The following GLIS3 variants were observed in gnomAD, a reference collection of about 807,000 sequenced individuals.
GLIS3 encodes zinc finger protein GLIS3.
GLIS3 carries 53 observed loss-of-function variants against 78.6 expected under a neutral mutation model. The ratio of observed to expected loss-of-function variants is 0.67; its 90% CI spans 0.54 to 0.85. The LOEUF is 0.85. Ranked by LOEUF, GLIS3 falls within the 40% of genes least tolerant of loss-of-function variation. The probability of loss-of-function intolerance (pLI) is 0.00; values close to 1 mark genes in which losing one functional copy is unlikely to be tolerated. For synonymous variants in GLIS3, 684 were observed against 509.9 expected, an observed-to-expected ratio of 1.34 and a Z score of -4.60; for missense variants, 1,703 against 1,231.1, an observed-to-expected ratio of 1.38 and a Z score of -5.74.
At chr9:4,268,318 T>G (rs1041032908) in intron 2 of GLIS3, among the ~76,000 whole-genome samples, 1 of 152,206 alleles carries the variant, frequency 6.6e-6, no homozygotes, top group African/African-American at 2.4e-5. Flanking sequence ...AAAATTAAAA[T>G]TTCAAGTACT....
intron 4 of GLIS3, among the ~76,000 whole-genome samples, chr9:4,055,795 G>A (rs1306019737): frequency 6.6e-6 from 1 of 152,198 alleles, no homozygotes; most frequent in East Asian, 1.9e-4. Flanking sequence ...CAGCTTCATT[G>A]GAGGGATGTA....
At chr9:3,875,879 T>G (rs1821276794) in intron 8 of GLIS3, among the ~76,000 whole-genome samples, 1 of 152,152 alleles carries the variant, frequency 6.6e-6, no homozygotes, top group Non-Finnish European at 1.5e-5. Context: ...TTCCTCTCCA[T>G]TTCCCCTTCC....
chr9:3,879,403 GGAGA>G lies in GLIS3; in HGVS notation c.2297+20_2297+23del, dbSNP rs760231980. ...GGAGGTTTGGCGGCGACACCTATTA[GGAGA>G]GAGAGACAGATGGCCTTACCTCTCA... On this transcript the variant is annotated intron_variant, in intron 8 of 10. Transcript: ENST00000381971. 3.1e-6 allele frequency: 5 copies of G among 1,612,158 alleles called. No individual in the cohort carries two copies. Among genetic ancestry groups the G allele is most frequent in the African/African-American group, 2.7e-5 (2 of 74,860 alleles).
At chr9:4,396,809 T>C in the GLIS3 span, among the ~76,000 whole-genome samples, 3 of 152,094 alleles carry the variant, frequency 2.0e-5, no homozygotes, top group Non-Finnish European at 4.4e-5. Context: ...TTAAAATTAG[T>C]GCCAGTCCAT....
intron 4 of GLIS3, among the ~76,000 whole-genome samples, chr9:4,051,571 T>C (rs998259778): frequency 2.0e-5 from 3 of 152,224 alleles, no homozygotes; most frequent in Non-Finnish European, 4.4e-5. Flanking sequence ...TAGTATTTTA[T>C]TCATGTAATT....
At chr9:4,165,252 C>A (rs1030365057) in intron 2 of GLIS3, among the ~76,000 whole-genome samples, 1 of 152,114 alleles carries the variant, frequency 6.6e-6, no homozygotes, top group Non-Finnish European at 1.5e-5. Flanking sequence ...ACCAGCCTGG[C>A]CAACATGGTG....
intron 4 of GLIS3, among the ~76,000 whole-genome samples, chr9:3,939,391 C>T (rs1826080287): frequency 6.6e-6 from 1 of 152,154 alleles, no homozygotes; most frequent in Admixed American, 6.5e-5. Flanking sequence ...TGTAAGAATA[C>T]CATTTCCAAG....
chr9:3,945,822 G>C (rs547693191), intron 4 of GLIS3, among the ~76,000 whole-genome samples: 1 of 151,780 alleles, frequency 6.6e-6, no homozygotes, highest in African/African-American at 2.4e-5. Flanking sequence ...ATAAAAAGTA[G>C]AAAAACAAAA....
intron 7 of GLIS3, among the ~76,000 whole-genome samples, chr9:3,887,844 GCAT>G (rs1274436991): frequency 1.3e-5 from 2 of 152,248 alleles, no homozygotes; most frequent in South Asian, 4.1e-4. Context: ...CAGTAGAATG[GCAT>G]CATCTGGCAG....
the GLIS3 span, among the ~76,000 whole-genome samples, chr9:4,481,440 A>G: frequency 4.6e-5 from 7 of 151,942 alleles, no homozygotes; most frequent in Non-Finnish European, 8.8e-5. Flanking sequence ...GCCTCGCACC[A>G]TTACACTCCA....
At chr9:3,861,825 T>C (rs185346062) in intron 8 of GLIS3, among the ~76,000 whole-genome samples, 20 of 152,210 alleles carry the variant, frequency 1.3e-4, no homozygotes, top group Admixed American at 1.2e-3. Flanking sequence ...AAATAGCTAA[T>C]GCATGCGGGG....
the GLIS3 span, among the ~76,000 whole-genome samples, chr9:4,414,018 A>C: frequency 6.6e-6 from 1 of 152,166 alleles, no homozygotes; most frequent in South Asian, 2.1e-4. Flanking sequence ...CAAGTCAGTG[A>C]AAGCCAGAAC....
chr9:4,395,314 T>G, the GLIS3 span, among the ~76,000 whole-genome samples: 3,394 of 152,302 alleles, frequency 0.022, 230 homozygotes, highest in East Asian at 0.25. Flanking sequence ...GTGAGTCTTG[T>G]GTGTAGTGTG....
At chr9:4,428,836 G>A in the GLIS3 span, among the ~76,000 whole-genome samples, 114 of 152,242 alleles carry the variant, frequency 7.5e-4, 1 homozygote, top group Non-Finnish European at 1.2e-3. Context: ...TGCCTACCAA[G>A]CCTGTTCATC....
chr9:4,007,013 G>A (rs550440781), intron 4 of GLIS3, among the ~76,000 whole-genome samples: 6 of 152,242 alleles, frequency 3.9e-5, no homozygotes, highest in Admixed American at 3.9e-4. Context: ...ATGATATATT[G>A]GTGATCTAAG....
chr9:3,973,774 G>T (rs1408126366), intron 4 of GLIS3, among the ~76,000 whole-genome samples: 1 of 152,086 alleles, frequency 6.6e-6, no homozygotes, highest in Non-Finnish European at 1.5e-5. Context: ...TAGTTAAAAT[G>T]AGAATCACAG....
intron 2 of GLIS3, among the ~76,000 whole-genome samples, chr9:4,201,136 C>A (rs1025032019): frequency 2.0e-5 from 3 of 152,258 alleles, no homozygotes; most frequent in South Asian, 2.1e-4. Flanking sequence ...ATCAAACATG[C>A]CTTCATGATA....
At chr9:4,134,302 T>G (rs113094647) in intron 2 of GLIS3, among the ~76,000 whole-genome samples, 1,693 of 152,340 alleles carry the variant, frequency 0.011, 30 homozygotes, top group African/African-American at 0.038. Context: ...TAACTATCCC[T>G]AACTGGCAAG....
intron 4 of GLIS3, among the ~76,000 whole-genome samples, chr9:4,049,495 C>T (rs536202489): frequency 6.6e-6 from 1 of 152,164 alleles, no homozygotes; most frequent in African/African-American, 2.4e-5. Flanking sequence ...TGCCCACAGC[C>T]CACAGATGCC....
Sources: allele counts gnomAD v4.1 joint callset (sites outside exome capture counted in the v4.1 genomes callset), GRCh38; gene constraint gnomAD v4.1.1; transcripts MANE v1.5; gene names NCBI Gene and HGNC (gene_info 2026-07-23, HGNC 2026-07-21).